NAV2: variants seen among roughly 807,000 people sequenced by gnomAD.
NAV2 encodes the protein neuron navigator 2, also known as helicase, APC down-regulated 1.
NAV2 carries 54 observed loss-of-function variants against 223.2 expected under a neutral mutation model. The observed-to-expected ratio is 0.24, with a 90% CI of 0.19 to 0.30. The LOEUF is 0.30. Among genes scored for constraint, NAV2 ranks in the 10% least tolerant of loss-of-function variants. The pLI, the probability that NAV2 is intolerant of heterozygous loss-of-function variation, is 1.00. For synonymous variants in NAV2, 1,279 were observed against 1,239.3 expected (o/e 1.03, Z -0.67); for missense variants, 2,806 against 3,147.5 (o/e 0.89, Z 2.60).
At chr11:20,095,932 G>A (rs1465613071) in intron 30 of NAV2, among the ~76,000 whole-genome samples, 165 bp downstream of exon 30, 9 of 152,216 alleles carry the variant, frequency 5.9e-5, no homozygotes, top group African/African-American at 2.2e-4. Context: ...CAAGGGAATG[G>A]AAGGACAATG....
intron 1 of NAV2, among the ~76,000 whole-genome samples, chr11:19,621,907 C>T (rs1004277348): frequency 2.0e-5 from 3 of 152,122 alleles, no homozygotes; most frequent in African/African-American, 7.2e-5. Context: ...CTATAAATTT[C>T]CCTGTAAACA....
intron 3 of NAV2, among the ~76,000 whole-genome samples, chr11:19,855,929 G>A (rs2061387542): frequency 6.6e-6 from 1 of 152,192 alleles, no homozygotes. Context: ...CTCCTTTTAT[G>A]AATGATTATC....
At chr11:19,690,302 T>C (rs1024500120) in intron 1 of NAV2, among the ~76,000 whole-genome samples, 1 of 152,234 alleles carries the variant, frequency 6.6e-6, no homozygotes, top group Non-Finnish European at 1.5e-5. Context: ...TTCATGCTTA[T>C]GTTTACCACC....
rs1014075392 is a variant in NAV2 at position 19,616,185 on chromosome 11, A to C, written c.76-216299A>C. Among the ~76,000 whole-genome samples the C allele has an allele frequency of 5.9e-5, 9 of 151,982 alleles. No homozygotes were observed. In the East Asian group the frequency reaches 1.7e-3, roughly 29 times the overall value. ...AATGTGTATTCACATTTAGGCCTAC[A>C]TGTCCTTCTTGGAGTCCAGAAGTCC... On this transcript the variant is annotated intron_variant, in intron 1 of 37. Transcript: ENST00000360655.
At chr11:19,828,782 A>G (rs2059785757) in intron 1 of NAV2, among the ~76,000 whole-genome samples, 1 of 152,178 alleles carries the variant, frequency 6.6e-6, no homozygotes, top group East Asian at 1.9e-4. Context: ...TGAACGGGTA[A>G]TTAGATTAGA....
At chr11:19,448,681 T>C (rs1851676997) in intron 1 of NAV2, among the ~76,000 whole-genome samples, 1 of 152,254 alleles carries the variant, frequency 6.6e-6, no homozygotes, top group Non-Finnish European at 1.5e-5. Context: ...TCCTCATCTG[T>C]AAAATGGGAT....
chr11:20,023,281 T>TGGGGGGGGGGG (rs1554901951), intron 11 of NAV2: 1 of 5,478 alleles, frequency 1.8e-4, no homozygotes. Flanking sequence ...GGTGTGTGAG[T>TGGGGGGGGGGG]GGGGGTGGGA....
chr11:19,775,707 G>C (rs1262395624), intron 1 of NAV2, among the ~76,000 whole-genome samples: 1 of 152,190 alleles, frequency 6.6e-6, no homozygotes, highest in Non-Finnish European at 1.5e-5. Flanking sequence ...TCAACATTAG[G>C]AGTCAGAAGT....
At chr11:19,884,355 A>G (rs751321634) in intron 5 of NAV2, 23 of 1,613,492 alleles carry the variant, frequency 1.4e-5, no homozygotes, top group Non-Finnish European at 1.9e-5. Context: ...TCAGAAAAAG[A>G]TCTCTAGGTT....
At chr11:19,859,134 T>G (rs1416900497) in intron 3 of NAV2, among the ~76,000 whole-genome samples, 1 of 128,670 alleles carries the variant, frequency 7.8e-6, no homozygotes, top group South Asian at 2.8e-4. Flanking sequence ...AAAATCATAT[T>G]CTCTTTTTTT....
intron 19 of NAV2, among the ~76,000 whole-genome samples, chr11:20,056,815 CCT>C (rs1275324738): frequency 6.6e-6 from 1 of 152,174 alleles, no homozygotes; most frequent in Non-Finnish European, 1.5e-5. Context: ...CCTCTCTGTG[CCT>C]CTGTTTTTTC....
At chr11:20,074,760 C>CTTTTTTTTTTTTTTTT (rs1554948003) in intron 22 of NAV2, among the ~76,000 whole-genome samples, 2 of 110,262 alleles carry the variant, frequency 1.8e-5, no homozygotes, top group African/African-American at 3.8e-5. Context: ...TGCAACTCTG[C>CTTTTTTTTTTTTTTTT]TTTTTTTTTT....
intron 1 of NAV2, among the ~76,000 whole-genome samples, chr11:19,550,017 C>A (rs370721217): frequency 2.0e-5 from 3 of 152,286 alleles, no homozygotes; most frequent in Admixed American, 2.0e-4. Flanking sequence ...CTGCAGTTTG[C>A]GCCTCAGCCA....
chr11:19,714,275 G>C (rs1447871127), intron 1 of NAV2: 1 of 592,834 alleles, frequency 1.7e-6, no homozygotes, highest in Non-Finnish European at 3.2e-6. Flanking sequence ...GGAAATGTGA[G>C]GTCCTGCATG....
At chr11:19,687,848 G>A (rs1190968042) in intron 1 of NAV2, among the ~76,000 whole-genome samples, 2 of 152,130 alleles carry the variant, frequency 1.3e-5, no homozygotes, top group African/African-American at 2.4e-5. Flanking sequence ...GCAAGTGTGG[G>A]ATCACAGAAA....
intron 5 of NAV2, among the ~76,000 whole-genome samples, chr11:19,885,495 G>A (rs530699561): frequency 5.9e-5 from 9 of 152,082 alleles, no homozygotes; most frequent in Non-Finnish European, 1.0e-4. Context: ...ATTATGACTG[G>A]TATTTATTTT....
At chr11:19,629,111 G>A (rs1461846164) in intron 1 of NAV2, among the ~76,000 whole-genome samples, 1 of 152,052 alleles carries the variant, frequency 6.6e-6, no homozygotes, top group Non-Finnish European at 1.5e-5. Flanking sequence ...CATTGTCTCC[G>A]TGGAGTGCAG....
chr11:19,837,786 C>G (rs1235642522), intron 2 of NAV2, among the ~76,000 whole-genome samples: 1 of 152,148 alleles, frequency 6.6e-6, no homozygotes, highest in Non-Finnish European at 1.5e-5. Flanking sequence ...GCTAAATGTA[C>G]TACGTGATCC....
At chr11:19,941,784 C>T (rs1315669466) in intron 8 of NAV2, among the ~76,000 whole-genome samples, 1 of 152,130 alleles carries the variant, frequency 6.6e-6, no homozygotes, top group Non-Finnish European at 1.5e-5. Context: ...CATAAGGCAG[C>T]CCTTTACTTT....
Sources: allele counts gnomAD v4.1 joint callset (sites outside exome capture counted in the v4.1 genomes callset), GRCh38; gene constraint gnomAD v4.1.1; transcripts MANE v1.5; gene names NCBI Gene and HGNC (gene_info 2026-07-23, HGNC 2026-07-21).